Variants in PDE1A observed in about 807,000 individuals in gnomAD.
The protein encoded by PDE1A is dual specificity calcium/calmodulin-dependent 3',5'-cyclic nucleotide phosphodiesterase 1A.
In PDE1A, 35 loss-of-function variants were observed where a neutral mutation model predicts 61.7. The observed-to-expected ratio is 0.57, with a 90% CI of 0.43 to 0.75. The LOEUF (loss-of-function observed/expected upper bound fraction) is 0.75, where lower values mean the gene tolerates loss of function less well. Among genes scored for constraint, PDE1A ranks in the 30% least tolerant of loss-of-function variants. PDE1A has a pLI of 0.00. For missense variants in PDE1A, 597 were observed against 630.6 expected, an observed-to-expected ratio of 0.95 and a Z score of 0.57; for synonymous variants, 232 against 213.2, an observed-to-expected ratio of 1.09 and a Z score of -0.77.
At chr2:182,634,601 G>T in the PDE1A span, among the ~76,000 whole-genome samples, 2 of 152,158 alleles carry the variant, frequency 1.3e-5, no homozygotes, top group African/African-American at 4.8e-5. Context: ...AGGATTGCAG[G>T]TGTCACTATT....
At chr2:182,201,716 T>C (rs1420716532) in exon 9 of PDE1A, 3 of 1,609,136 alleles carry the variant, frequency 1.9e-6, no homozygotes, top group Non-Finnish European at 1.7e-6. Flanking sequence ...CTGTTTCTTA[T>C]ATTTTTAATT....
chr2:182,609,484 C>T, the PDE1A span, among the ~76,000 whole-genome samples: 3 of 152,200 alleles, frequency 2.0e-5, no homozygotes, highest in South Asian at 2.1e-4. Context: ...AGTTGTAACG[C>T]TTACCGTGAA....
chr2:182,692,248 T>C, the PDE1A span, among the ~76,000 whole-genome samples: 1 of 152,088 alleles, frequency 6.6e-6, no homozygotes, highest in Non-Finnish European at 1.5e-5. Context: ...CTACTCACAA[T>C]AGCAAAGACT....
chr2:182,476,888 T>A (rs1687398318), intron 2 of PDE1A, among the ~76,000 whole-genome samples: 1 of 143,036 alleles, frequency 7.0e-6, no homozygotes. Context: ...ATGGCTAAGG[T>A]TTTCATAAAA....
intron 1 of PDE1A, among the ~76,000 whole-genome samples, chr2:182,299,418 C>T (rs933703595): frequency 6.8e-6 from 1 of 147,656 alleles, no homozygotes; most frequent in Non-Finnish European, 1.5e-5. Flanking sequence ...TCCTTAATAC[C>T]GCTTCCTCCT....
intron 2 of PDE1A, among the ~76,000 whole-genome samples, chr2:182,434,955 C>A (rs1257962646): frequency 6.6e-6 from 1 of 151,916 alleles, no homozygotes; most frequent in African/African-American, 2.4e-5. Context: ...GCTAACTCCC[C>A]GGTCATTTAA....
chr2:182,412,611 G>C lies in PDE1A; in HGVS notation c.53+13967C>G, dbSNP rs567902878. On this transcript the variant is annotated intron_variant, in intron 1 of 13. Coordinates refer to ENST00000351439, the Ensembl canonical transcript of PDE1A. ...GCACAAATAAATTAGACTAGAAACA[G>C]CACGGGCTTGAGAGTTGATGTGTGT... Among the ~76,000 whole-genome samples the C allele has an allele frequency of 5.9e-5, 9 of 152,302 alleles. No homozygotes were observed. The South Asian group carries it at 1.9e-3, about 32-fold the overall frequency.
intron 2 of PDE1A, among the ~76,000 whole-genome samples, chr2:182,450,524 T>C (rs750572594): frequency 4.7e-5 from 7 of 149,970 alleles, no homozygotes; most frequent in Middle Eastern, 3.4e-3. Flanking sequence ...AATATACCAA[T>C]GACATCAAGC....
At chr2:182,429,948 C>A (rs1042547542), upstream of PDE1A, among the ~76,000 whole-genome samples, 1 of 152,132 alleles carries the variant, frequency 6.6e-6, no homozygotes, top group Non-Finnish European at 1.5e-5. Flanking sequence ...GGACGTGAGA[C>A]CACATGTGTG....
chr2:182,365,041 G>T (rs184148606), intron 1 of PDE1A, among the ~76,000 whole-genome samples: 70 of 152,044 alleles, frequency 4.6e-4, no homozygotes, highest in African/African-American at 1.6e-3. Context: ...GGTTCTTAAG[G>T]CAATGCCTTC....
At chr2:182,271,318 T>C (rs967873943) in intron 1 of PDE1A, among the ~76,000 whole-genome samples, 2 of 151,976 alleles carry the variant, frequency 1.3e-5, no homozygotes, top group African/African-American at 4.8e-5. Flanking sequence ...AAAAATAGTA[T>C]GGCAAACAGT....
chr2:182,380,694 C>T (rs140715089), intron 1 of PDE1A, among the ~76,000 whole-genome samples: 15 of 151,896 alleles, frequency 9.9e-5, no homozygotes, highest in South Asian at 6.3e-4. Flanking sequence ...TTTTTAATTG[C>T]GAAAATTATT....
At chr2:182,262,479 C>T (rs1013901655) in intron 2 of PDE1A, among the ~76,000 whole-genome samples, 2 of 152,092 alleles carry the variant, frequency 1.3e-5, no homozygotes, top group Non-Finnish European at 2.9e-5. Flanking sequence ...GTTGCACAGG[C>T]TGGTTGTGAA....
In PDE1A at chr2:182,514,593, T is replaced by C. The variant is rs544317019; in HGVS notation, c.101+7683A>G. Among the ~76,000 whole-genome samples the C allele has an allele frequency of 1.4e-4, 21 of 152,312 alleles. 1 individual carries two copies. The highest frequency in any genetic ancestry group is 4.6e-4 in the African/African-American group (19 of 41,576). On this transcript the variant is annotated intron_variant, in intron 2 of 14. Transcript: ENST00000410103. ...AAAGGACTCCCTATTCAATAAACCATGCTGAGATAACTGGCTAGTCATATG... is the reference window on the plus strand; with the variant it reads ...AAAGGACTCCCTATTCAATAAACCACGCTGAGATAACTGGCTAGTCATATG...
At chr2:182,648,417 A>G in the PDE1A span, among the ~76,000 whole-genome samples, 1 of 150,842 alleles carries the variant, frequency 6.6e-6, no homozygotes, top group Admixed American at 6.6e-5. Flanking sequence ...CACACCTGTA[A>G]TCCCAGCACT....
chr2:182,384,122 T>C (rs1225892864), intron 1 of PDE1A, among the ~76,000 whole-genome samples: 1 of 152,206 alleles, frequency 6.6e-6, no homozygotes, highest in Non-Finnish European at 1.5e-5. Flanking sequence ...CAGCCCTCAG[T>C]GGCTCTGAGC....
At chr2:182,588,608 CCTTT>C in the PDE1A span, among the ~76,000 whole-genome samples, 1 of 152,094 alleles carries the variant, frequency 6.6e-6, no homozygotes, top group African/African-American at 2.4e-5. Context: ...AGTATCTCAT[CCTTT>C]CTAAGTGGTC....
At chr2:182,550,494 T>G in the PDE1A span, among the ~76,000 whole-genome samples, 1 of 152,180 alleles carries the variant, frequency 6.6e-6, no homozygotes, top group Non-Finnish European at 1.5e-5. Context: ...TACTAAGTTC[T>G]GAAATACTGG....
At chr2:182,674,680 G>A in the PDE1A span, among the ~76,000 whole-genome samples, 1 of 151,852 alleles carries the variant, frequency 6.6e-6, no homozygotes, top group Non-Finnish European at 1.5e-5. Context: ...TGAGGCAGAA[G>A]ACAAATTCAA....
Sources: gnomAD v4.1 joint callset for allele counts (sites outside exome capture counted in the v4.1 genomes callset) on GRCh38, gnomAD v4.1.1 for gene constraint, MANE v1.5 for transcripts, NCBI Gene and HGNC (gene_info 2026-07-23, HGNC 2026-07-21) for gene names.